The following ZNF592 variants were observed in gnomAD, a reference collection of about 807,000 sequenced individuals.
The protein encoded by ZNF592 is spinocerebellar ataxia, autosomal recessive 5.
Under a neutral mutation model 80.3 loss-of-function variants are expected in ZNF592, and 11 were observed. The ratio of observed to expected loss-of-function variants is 0.14; its 90% CI spans 0.09 to 0.23. The LOEUF (loss-of-function observed/expected upper bound fraction) is 0.23, where lower values mean the gene tolerates loss of function less well. ZNF592 is among the 10% of genes least tolerant of loss of function. ZNF592 has a pLI of 1.00. For missense variants in ZNF592, 1,420 were observed against 1,633.9 expected, an observed-to-expected ratio of 0.87 and a Z score of 2.26; for synonymous variants, 646 against 640.3, an observed-to-expected ratio of 1.01 and a Z score of -0.13.
At chr15:84,777,345 T>C (rs1240947296) in intron 2 of ZNF592, among the ~76,000 whole-genome samples, 1 of 151,450 alleles carries the variant, frequency 6.6e-6, no homozygotes, top group East Asian at 2.0e-4. Context: ...GGCGTGGTGA[T>C]GCATGTCTGT....
chr15:84,785,026 G>C, intron 4 of ZNF592, 131 bp downstream of exon 4: 4 of 1,109,260 alleles, frequency 3.6e-6, no homozygotes, highest in Non-Finnish European at 5.4e-6. Context: ...GAGGATGTCT[G>C]CCTGAATATT....
intron 10 of ZNF592, among the ~76,000 whole-genome samples, chr15:84,801,192 G>A (rs1005874858): frequency 6.6e-6 from 1 of 152,222 alleles, no homozygotes; most frequent in Admixed American, 6.5e-5. Flanking sequence ...GGGTGTGGTG[G>A]TGTGCACCTA....
intron 2 of ZNF592, among the ~76,000 whole-genome samples, chr15:84,773,646 A>G (rs1962156049): frequency 6.6e-6 from 1 of 152,048 alleles, no homozygotes; most frequent in South Asian, 2.1e-4. Context: ...TCAAACTTCA[A>G]AATACTGCCC....
At chr15:84,792,305 A>G (rs1409826634) in intron 5 of ZNF592, among the ~76,000 whole-genome samples, 3 of 150,286 alleles carry the variant, frequency 2.0e-5, no homozygotes, top group Non-Finnish European at 1.5e-5. Flanking sequence ...GCATTTGGAC[A>G]TTTTCCAGCG....
At position 84,759,967 on chromosome 15, in the gene ZNF592, A is replaced by T. The variant is rs10557154; in HGVS notation, c.-258-4740A>T. Among the ~76,000 whole-genome samples, 8 of 16,860 alleles carry T rather than the reference A, an allele frequency of 4.7e-4. 1 individual carries two copies. Among genetic ancestry groups the T allele is most frequent in the African/African-American group, 6.3e-4 (4 of 6,362 alleles). 11.1% of individuals were successfully genotyped at this position (16,860 alleles called of 152,430 possible). On this transcript the variant is annotated intron_variant, in intron 1 of 10. Transcript: ENST00000560079. Reference sequence around the variant, plus strand: ...GATTGGGGAGATTCCCCCCCCCCCCACCCTGCCATTTAAAAAGTAATATGT... The same window carrying T: ...GATTGGGGAGATTCCCCCCCCCCCCTCCCTGCCATTTAAAAAGTAATATGT...
chr15:84,753,452 G>A (rs1899070746), intron 1 of ZNF592: 1 of 152,042 alleles, frequency 6.6e-6, no homozygotes. Flanking sequence ...ATCATGGTGA[G>A]TTTTAATTTA....
intron 4 of ZNF592, among the ~76,000 whole-genome samples, chr15:84,785,184 C>G (rs187584155): frequency 5.2e-4 from 79 of 152,350 alleles, no homozygotes; most frequent in African/African-American, 1.9e-3. Flanking sequence ...CGAGATAGGT[C>G]TTTACTGGAT....
chr15:84,749,600 G>A (rs1266487731), intron 1 of ZNF592, among the ~76,000 whole-genome samples: 2 of 152,230 alleles, frequency 1.3e-5, no homozygotes, highest in African/African-American at 4.8e-5. Context: ...AATGGGACTT[G>A]GGGAGTAAGA....
At chr15:84,800,286 T>C (rs1963053173) in intron 10 of ZNF592, among the ~76,000 whole-genome samples, 1 of 152,214 alleles carries the variant, frequency 6.6e-6, no homozygotes, top group Non-Finnish European at 1.5e-5. Context: ...CTCTTTCTGC[T>C]TCACAGCAGT....
At chr15:84,768,012 G>T (rs1899579289) in intron 2 of ZNF592, among the ~76,000 whole-genome samples, 1 of 151,296 alleles carries the variant, frequency 6.6e-6, no homozygotes, top group Admixed American at 6.6e-5. Context: ...GAGTAGCTGG[G>T]ACTACAGACA....
In ZNF592 at chr15:84,782,796, C is replaced by G; in HGVS notation, c.121C>G (p.Leu41Val). 6.2e-7 allele frequency: 1 copy of G among 1,614,172 alleles called. No homozygotes were observed. Among genetic ancestry groups the G allele is most frequent in the Non-Finnish European group, 8.5e-7 (1 of 1,180,036 alleles). Residue 41 changes from leucine to valine, a missense_variant, in exon 4 of 11, where the codon CTC (leucine) becomes GTC (valine). Coordinates refer to ENST00000560079, the MANE Select transcript of ZNF592 (RefSeq NM_014630.3). ...ACCCAGTGAGGAGAATGAGAGTCCCCTCAAACCTCCAGGCATATGTATGGA... is the reference window on the plus strand; with the variant it reads ...ACCCAGTGAGGAGAATGAGAGTCCCGTCAAACCTCCAGGCATATGTATGGA... ...QTPSEENESPLKPPGICMDES... is the reference protein window; with the variant it reads ...QTPSEENESPVKPPGICMDES...
intron 2 of ZNF592, among the ~76,000 whole-genome samples, chr15:84,776,944 C>T (rs989887013): frequency 2.6e-5 from 4 of 151,870 alleles, no homozygotes; most frequent in Admixed American, 1.3e-4. Context: ...CCCAGCTACT[C>T]GGGAGACTGG....
intron 1 of ZNF592, among the ~76,000 whole-genome samples, chr15:84,753,872 G>C (rs1899086073): frequency 6.6e-6 from 1 of 152,224 alleles, no homozygotes; most frequent in Non-Finnish European, 1.5e-5. Flanking sequence ...CCTTGAGGTA[G>C]AGCAATTGCA....
intron 10 of ZNF592, among the ~76,000 whole-genome samples, chr15:84,801,020 G>GTTC (rs1334341246): frequency 1.3e-5 from 2 of 152,192 alleles, no homozygotes; most frequent in Admixed American, 6.5e-5. Flanking sequence ...AAAACACAGG[G>GTTC]TGAAGAAAAG....
rs1176545709 is a variant in ZNF592, at chr15:84,798,585, C to T, written c.2737-3C>T. 6 of 1,614,008 alleles carry T rather than the reference C, an allele frequency of 3.7e-6. No individual in the cohort carries two copies. In the South Asian group the frequency reaches 6.6e-5, roughly 18 times the overall value. ...AGTCAGTAATCGCTCTCCCCATCCC[C>T]AGAGCACCCACGGTGTTCCCCGAAA... On this transcript the variant is annotated splice_polypyrimidine_tract_variant and splice_region_variant and intron_variant, in intron 7 of 10. Transcript: ENST00000560079. This position sits in a 1 kb window ranked among gnomAD's most constrained non-coding sequence, Gnocchi z 4.5.
chr15:84,794,309 T>C (rs1962831462), intron 5 of ZNF592, among the ~76,000 whole-genome samples: 1 of 152,210 alleles, frequency 6.6e-6, no homozygotes, highest in Non-Finnish European at 1.5e-5. Context: ...TTTTCCAAAG[T>C]GACTGCAGCG....
Position 84,798,129 on chromosome 15 carries a change from G to T in ZNF592, c.2576+84G>T. ...TGTAGGGGGTGGCATAGGGATGGGT[G>T]AGGGAGCTGGGGTTAGTGGCAGAGG... On this transcript the variant is annotated intron_variant, in intron 6 of 10. Coordinates refer to ENST00000560079, the MANE Select transcript of ZNF592 (RefSeq NM_014630.3). The surrounding 1 kb of genome is among the most constrained non-coding windows in gnomAD (Gnocchi z 4.5). 1 of 1,584,026 alleles carries T rather than the reference G, an allele frequency of 6.3e-7. No individual in the cohort carries two copies. The highest frequency in any genetic ancestry group is 8.6e-7 in the Non-Finnish European group (1 of 1,165,490).
chr15:84,775,734 C>G (rs926834797), intron 2 of ZNF592, among the ~76,000 whole-genome samples: 7 of 151,956 alleles, frequency 4.6e-5, no homozygotes, highest in Admixed American at 4.6e-4. Context: ...CCGGCCGAAT[C>G]ATATTGTTTT....
At chr15:84,749,939 T>C (rs1898964044) in intron 1 of ZNF592, among the ~76,000 whole-genome samples, 1 of 152,246 alleles carries the variant, frequency 6.6e-6, no homozygotes, top group South Asian at 2.1e-4. Context: ...CTGAGCTAGG[T>C]GTTGGGAGTA....
Sources: allele counts gnomAD v4.1 joint callset (sites outside exome capture counted in the v4.1 genomes callset), GRCh38; gene constraint gnomAD v4.1.1; non-coding constraint Gnocchi (gnomAD v3.1); transcripts MANE v1.5; gene names NCBI Gene and HGNC (gene_info 2026-07-23, HGNC 2026-07-21).